Variants in ILDR1 observed in about 807,000 individuals in gnomAD.
The protein encoded by ILDR1 is immunoglobulin like domain containing receptor 1, also known as immunoglobulin-like domain-containing receptor 1.
ILDR1 carries 56 observed loss-of-function variants against 62.4 expected under a neutral mutation model. The ratio of observed to expected loss-of-function variants is 0.90; its 90% CI spans 0.72 to 1.12. ILDR1 has a LOEUF of 1.12. Among genes scored for constraint, ILDR1 ranks in the 50% most tolerant of loss-of-function variants. The probability of loss-of-function intolerance (pLI) is 0.00; values close to 1 mark genes in which losing one functional copy is unlikely to be tolerated. For missense variants in ILDR1, 736 were observed against 710.6 expected (o/e 1.04, Z -0.41); for synonymous variants, 284 against 277.8 (o/e 1.02, Z -0.22).
At chr3:122,019,137 T>C (rs1054820760) in intron 1 of ILDR1, among the ~76,000 whole-genome samples, 11 of 152,144 alleles carry the variant, frequency 7.2e-5, no homozygotes, top group African/African-American at 2.7e-4. Flanking sequence ...AAACTTTCAT[T>C]CTGAGAATAA....
upstream of ILDR1, chr3:122,025,156 A>G (rs1308595927): frequency 2.0e-5 from 3 of 152,242 alleles, no homozygotes; most frequent in Non-Finnish European, 2.9e-5. Flanking sequence ...ACCATGTATT[A>G]AACACATTGT....
chr3:122,029,084 G>A, the ILDR1 span, among the ~76,000 whole-genome samples: 4 of 152,138 alleles, frequency 2.6e-5, no homozygotes, highest in African/African-American at 9.7e-5. Context: ...CAACATGGGT[G>A]AATATTAAAA....
chr3:121,993,216 G>C lies in ILDR1; in HGVS notation c.1533C>G (p.Ser511Arg). ...SPHWPEEKPPSYRSLDITPGK... is the reference protein window; with the variant it reads ...SPHWPEEKPPRYRSLDITPGK... Reference sequence around the variant, plus strand: ...CTGGAGTGATATCAAGTGAGCGGTAGCTAGGCGGCTTCTCCTCGGGCCAGT... The same window carrying C: ...CTGGAGTGATATCAAGTGAGCGGTACCTAGGCGGCTTCTCCTCGGGCCAGT... The change falls in exon 7 of 8, where the codon AGC (serine) becomes AGG (arginine). Residue 511 changes from serine to arginine, a missense_variant. Transcript: ENST00000344209. 1 of 1,613,998 alleles carries C rather than the reference G, an allele frequency of 6.2e-7. No individual in the cohort carries two copies. The highest frequency in any genetic ancestry group is 8.5e-7 in the Non-Finnish European group (1 of 1,179,954).
In ILDR1 at chr3:122,005,231, C is replaced by T; in HGVS notation, c.379+13G>A. 1.4e-6 allele frequency: 2 copies of T among 1,423,150 alleles called. No homozygotes were observed. The highest frequency in any genetic ancestry group is 2.0e-6 in the Non-Finnish European group (2 of 1,015,274). The allele number at this position is 1,423,150 out of a possible 1,614,324, so 88.2% of individuals were successfully genotyped here. ...CCCACCCCCAGTTCCCCTGACACCT[C>T]CCCCGCACTCACGGTTCTGGATGGT... On this transcript the variant is annotated intron_variant, in intron 3 of 7. Coordinates refer to ENST00000344209, the MANE Select transcript of ILDR1 (RefSeq NM_001199799.2).
At position 121,993,538 on chromosome 3, in the gene ILDR1, C is replaced by T. The variant is rs150479416; in HGVS notation, c.1211G>A (p.Arg404His). ...GGGTGACCCATTCAGCCTAGAGCTA[C>T]GGTGCCTTCCACTCCACGATGGGTC... ...ELDPSWSGRHRSSRLNGSPIH... is the reference protein window; with the variant it reads ...ELDPSWSGRHHSSRLNGSPIH... The change falls in exon 7 of 8, where the codon CGT becomes CAT. Residue 404 changes from arginine (R) to histidine (H), a missense_variant. Transcript: ENST00000344209. The T allele has an allele frequency of 5.1e-5, 83 of 1,614,236 alleles. 1 individual carries two copies. The highest frequency in any genetic ancestry group is 1.6e-4 in the Middle Eastern group (1 of 6,062).
rs1162462675 is a variant in ILDR1 at position 121,988,537 on chromosome 3, A to G, written c.1600-129T>C. ...GTGGCTGCCAGGACAGCAGATCTGA[A>G]CCTAAAAAGTATTTCTTTACTCTTC... On this transcript the variant is annotated intron_variant, in intron 7 of 7. Coordinates refer to ENST00000344209, the MANE Select transcript of ILDR1 (RefSeq NM_001199799.2). 1.8e-5 allele frequency: 13 copies of G among 741,816 alleles called. No homozygotes were observed. The East Asian group carries it at 3.2e-4, about 18-fold the overall frequency. 46.0% of individuals were successfully genotyped at this position (741,816 alleles called of 1,614,324 possible). A position where few individuals can be genotyped will look rare whatever the true frequency, so the allele number is the denominator to read the frequency against.
the ILDR1 span, among the ~76,000 whole-genome samples, chr3:122,048,673 G>A: frequency 6.6e-6 from 1 of 152,280 alleles, no homozygotes; most frequent in South Asian, 2.1e-4. Context: ...TTCTAGGAAT[G>A]TGTCCATTTC....
chr3:121,997,625 A>C (rs1324935356), intron 5 of ILDR1, among the ~76,000 whole-genome samples: 1 of 152,150 alleles, frequency 6.6e-6, no homozygotes, highest in Non-Finnish European at 1.5e-5. Context: ...GTAACAAGTA[A>C]TTGTGGAAAA....
the ILDR1 span, among the ~76,000 whole-genome samples, chr3:122,037,632 T>C: frequency 6.6e-6 from 1 of 152,194 alleles, no homozygotes; most frequent in African/African-American, 2.4e-5. Flanking sequence ...TTGTCTCAGA[T>C]GAAACATTGG....
chr3:122,001,053 G>A (rs1449174505), intron 5 of ILDR1, among the ~76,000 whole-genome samples: 2 of 152,216 alleles, frequency 1.3e-5, no homozygotes, highest in Non-Finnish European at 2.9e-5. Flanking sequence ...CAGAGGAAAT[G>A]CCATCAGTAG....
At chr3:122,055,350 G>GGGTA in the ILDR1 span, 2 of 730,544 alleles carry the variant, frequency 2.7e-6, no homozygotes, top group Non-Finnish European at 4.8e-6. Flanking sequence ...AAAGTTAGCT[G>GGGTA]GGTAGGTATA....
chr3:122,033,715 T>C, the ILDR1 span, among the ~76,000 whole-genome samples: 1 of 152,140 alleles, frequency 6.6e-6, no homozygotes, highest in East Asian at 1.9e-4. Context: ...GGATAAACAA[T>C]TTTCTGAGCA....
intron 1 of ILDR1, among the ~76,000 whole-genome samples, chr3:122,017,117 G>C (rs879889406): frequency 1.3e-5 from 2 of 151,908 alleles, no homozygotes; most frequent in Non-Finnish European, 2.9e-5. Flanking sequence ...GCGCGATCTC[G>C]GCTCACTGCA....
At chr3:122,011,453 G>A (rs2071699986) in intron 1 of ILDR1, among the ~76,000 whole-genome samples, 1 of 151,976 alleles carries the variant, frequency 6.6e-6, no homozygotes, top group African/African-American at 2.4e-5. Flanking sequence ...CTTTACCAAC[G>A]TCAGCACTGA....
intron 1 of ILDR1, 170 bp from the exon 2 acceptor site, chr3:122,007,331 G>T: frequency 6.7e-7 from 1 of 1,481,794 alleles, no homozygotes; most frequent in Non-Finnish European, 9.1e-7. Flanking sequence ...GGTGGGGTGG[G>T]GTGAGAACGC....
At chr3:121,995,889 G>T (rs1053961188) in intron 5 of ILDR1, among the ~76,000 whole-genome samples, 2 of 152,178 alleles carry the variant, frequency 1.3e-5, no homozygotes, top group African/African-American at 4.8e-5. Context: ...TACAGCTAGC[G>T]ACTGGCAGAG....
chr3:122,032,883 A>T, the ILDR1 span, among the ~76,000 whole-genome samples: 4 of 152,242 alleles, frequency 2.6e-5, no homozygotes, highest in Non-Finnish European at 1.5e-5. Flanking sequence ...CTTCGGAAGA[A>T]ATGCCACCTT....
Position 121,993,787 on chromosome 3 carries a change from C to A in ILDR1, c.962G>T (p.Gly321Val). 1 of 1,614,092 alleles carries A rather than the reference C, an allele frequency of 6.2e-7. No homozygotes were observed. The highest frequency in any genetic ancestry group is 2.2e-5 in the East Asian group (1 of 44,870). ...GHPCSMLSSL[G>V]SEVVERRIIH... ...GATTCTGCGTTCCACGACCTCAGAG[C>A]CCAGGGAGGACAGCATGCTGCAGGG... The change falls in exon 7 of 8, where the codon GGC (glycine) becomes GTC (valine). Residue 321 changes from glycine to valine, a missense_variant. Gly to Val is a moderately radical substitution (Grantham distance 109, BLOSUM62 -3). Transcript: ENST00000344209.
chr3:122,056,245 T>C, the ILDR1 span, among the ~76,000 whole-genome samples: 30 of 152,294 alleles, frequency 2.0e-4, no homozygotes, highest in Middle Eastern at 3.4e-3. Context: ...CCAGAAGGTT[T>C]CTCCATGCTG....
Sources: gnomAD v4.1 joint callset for allele counts (sites outside exome capture counted in the v4.1 genomes callset) on GRCh38, gnomAD v4.1.1 for gene constraint, MANE v1.5 for transcripts, NCBI Gene and HGNC (gene_info 2026-07-23, HGNC 2026-07-21) for gene names.